Variants in FOXN3 observed in about 807,000 individuals in gnomAD.
FOXN3 encodes the protein forkhead box protein N3.
A neutral mutation model predicts 38.4 loss-of-function variants in FOXN3; 7 were observed. The ratio of observed to expected loss-of-function variants is 0.18; its 90% CI spans 0.10 to 0.34. The LOEUF (loss-of-function observed/expected upper bound fraction) is 0.34, where lower values mean the gene tolerates loss of function less well. Ranked by LOEUF, FOXN3 falls within the 10% of genes least tolerant of loss-of-function variation. FOXN3 has a pLI of 1.00. For synonymous variants in FOXN3, 230 were observed against 242.2 expected, an observed-to-expected ratio of 0.95 and a Z score of 0.47; for missense variants, 456 against 613.4, an observed-to-expected ratio of 0.74 and a Z score of 2.71.
chr14:89,488,975 T>G (rs1168761068), intron 1 of FOXN3, among the ~76,000 whole-genome samples: 1 of 152,184 alleles, frequency 6.6e-6, no homozygotes, highest in Non-Finnish European at 1.5e-5. Context: ...CATGATCAAG[T>G]TGGTATGGCA....
At chr14:89,278,181 C>T (rs1380959284) in intron 4 of FOXN3, among the ~76,000 whole-genome samples, 2 of 152,166 alleles carry the variant, frequency 1.3e-5, no homozygotes, top group Admixed American at 6.5e-5. Context: ...AGAGGCCTCA[C>T]AATCATGGTG....
intron 1 of FOXN3, among the ~76,000 whole-genome samples, chr14:89,446,665 G>A (rs1055361443): frequency 1.3e-5 from 2 of 152,150 alleles, no homozygotes; most frequent in Non-Finnish European, 2.9e-5. Flanking sequence ...AAAATTGTGA[G>A]CTCCATGTGG....
intron 2 of FOXN3, among the ~76,000 whole-genome samples, chr14:89,358,327 C>T (rs1172782768): frequency 2.0e-5 from 3 of 152,172 alleles, no homozygotes; most frequent in African/African-American, 7.2e-5. Flanking sequence ...AACTTAAAAA[C>T]CAGAGAAGGA....
At chr14:89,530,433 C>G (rs1231771762) in intron 1 of FOXN3, among the ~76,000 whole-genome samples, 3 of 151,924 alleles carry the variant, frequency 2.0e-5, no homozygotes, top group Non-Finnish European at 2.9e-5. Flanking sequence ...TCACCACCAC[C>G]AGAACAGCAC....
intron 4 of FOXN3, among the ~76,000 whole-genome samples, chr14:89,270,839 G>A (rs948681315): frequency 6.6e-6 from 1 of 152,176 alleles, no homozygotes; most frequent in Non-Finnish European, 1.5e-5. Flanking sequence ...GAAGCAAGGT[G>A]TGGAATGGAC....
At chr14:89,417,623 C>T (rs1891786788), upstream of FOXN3, 1 of 450,716 alleles carries the variant, frequency 2.2e-6, no homozygotes, top group African/African-American at 2.0e-5. Flanking sequence ...CGGGAACGCT[C>T]CTACCCCATC....
rs766543657 is a variant in FOXN3, at chr14:89,280,931, G to C, written c.745+19C>G. On this transcript the variant is annotated intron_variant, in intron 4 of 5. Transcript: ENST00000557258. ...TGGGTGAGGGGGAGGGAGAGGAAGG[G>C]GTGTTACTAGGGACCTACCTTGGAG... 6.2e-7 allele frequency: 1 copy of C among 1,607,314 alleles called. No homozygotes were observed. Among genetic ancestry groups the C allele is most frequent in the Non-Finnish European group, 8.5e-7 (1 of 1,174,542 alleles).
intron 1 of FOXN3, among the ~76,000 whole-genome samples, chr14:89,600,078 C>T (rs1896127986): frequency 6.6e-6 from 1 of 152,214 alleles, no homozygotes; most frequent in African/African-American, 2.4e-5. Context: ...CCAATTTTTC[C>T]AAACTGACTT....
intron 3 of FOXN3, among the ~76,000 whole-genome samples, chr14:89,311,151 C>A (rs1426894292): frequency 1.4e-5 from 2 of 144,652 alleles, no homozygotes; most frequent in African/African-American, 5.2e-5. Context: ...AATCTTATAT[C>A]TTTTAAAAAA....
rs560257322 is a variant in FOXN3 at position 89,483,162 on chromosome 14, G to A, written c.-14-70672C>T. The stretch of plus-strand genomic sequence containing the variant: ...GTGGAGGTTGCACAGACCCAAGATC[G>A]CACCATTGCACTCTAGCCTGGGAGG... On this transcript the variant is annotated intron_variant, in intron 1 of 6. Transcript: ENST00000345097. Among the ~76,000 whole-genome samples, 28 of 152,184 alleles carry A rather than the reference G, an allele frequency of 1.8e-4. No homozygotes were observed. The South Asian group carries it at 2.3e-3, about 12-fold the overall frequency.
intron 1 of FOXN3, among the ~76,000 whole-genome samples, chr14:89,569,503 C>G (rs1275455089): frequency 2.6e-5 from 4 of 152,142 alleles, no homozygotes; most frequent in Non-Finnish European, 4.4e-5. Flanking sequence ...GCACTGTATA[C>G]TGAACCAACT....
At chr14:89,411,161 T>A (rs1284357308) in intron 2 of FOXN3, among the ~76,000 whole-genome samples, 2 of 152,226 alleles carry the variant, frequency 1.3e-5, no homozygotes, top group African/African-American at 2.4e-5. Context: ...CTAGGTTGCG[T>A]GCTTCTTATG....
intron 1 of FOXN3, among the ~76,000 whole-genome samples, chr14:89,498,983 C>A (rs1192718190): frequency 6.6e-6 from 1 of 152,188 alleles, no homozygotes; most frequent in African/African-American, 2.4e-5. Context: ...AGATATTTTT[C>A]ACAGCTTGCC....
intron 1 of FOXN3, among the ~76,000 whole-genome samples, chr14:89,551,410 C>A (rs950129961): frequency 6.6e-6 from 1 of 151,540 alleles, no homozygotes; most frequent in African/African-American, 2.4e-5. Flanking sequence ...TCAACCCGTC[C>A]CTGGTCCAAC....
At chr14:89,170,355 A>G (rs1887356923) in intron 5 of FOXN3, among the ~76,000 whole-genome samples, 1 of 152,246 alleles carries the variant, frequency 6.6e-6, no homozygotes, top group Non-Finnish European at 1.5e-5. Context: ...AAGATTTGAC[A>G]TAAACATAGA....
intron 1 of FOXN3, among the ~76,000 whole-genome samples, chr14:89,439,780 A>C (rs570985904): frequency 1.3e-5 from 2 of 150,284 alleles, no homozygotes; most frequent in East Asian, 2.0e-4. Flanking sequence ...CTCAGCCTCC[A>C]AAGTAGCTGG....
intron 3 of FOXN3, among the ~76,000 whole-genome samples, chr14:89,281,659 A>T (rs1486178675): frequency 4.6e-5 from 7 of 151,616 alleles, no homozygotes; most frequent in African/African-American, 1.7e-4. Context: ...ATATATCACA[A>T]AGACACTTAC....
chr14:89,343,940 T>A (rs1189316934), intron 3 of FOXN3, among the ~76,000 whole-genome samples: 1 of 152,092 alleles, frequency 6.6e-6, no homozygotes, highest in Non-Finnish European at 1.5e-5. Flanking sequence ...TTTGTATTTT[T>A]TGGTAGAGAT....
intron 2 of FOXN3, among the ~76,000 whole-genome samples, chr14:89,363,990 T>TATATATATAAATA (rs1890046851): frequency 2.6e-5 from 2 of 76,836 alleles, no homozygotes; most frequent in African/African-American, 1.2e-4. Context: ...ATATATATAA[T>TATATATATAAATA]ATATATATAT....
Sources: gnomAD v4.1 joint callset for allele counts (sites outside exome capture counted in the v4.1 genomes callset) on GRCh38, gnomAD v4.1.1 for gene constraint, MANE v1.5 for transcripts, NCBI Gene and HGNC (gene_info 2026-07-23, HGNC 2026-07-21) for gene names.